Variants in DMD observed in about 807,000 individuals in gnomAD.
DMD encodes mutant dystrophin.
Under a neutral mutation model 330.1 loss-of-function variants are expected in DMD, and 63 were observed. The ratio of observed to expected loss-of-function variants is 0.19; its 90% confidence interval spans 0.16 to 0.24. The LOEUF (loss-of-function observed/expected upper bound fraction) is 0.24. Ranked by LOEUF, DMD falls within the 10% of genes least tolerant of loss-of-function variation. The pLI is 1.00. For synonymous variants in DMD, 1,223 were observed against 959.8 expected (o/e 1.27, Z -5.07); for missense variants, 3,344 against 2,684.1 (o/e 1.25, Z -5.43).
intron 55 of DMD, among the ~76,000 whole-genome samples, chrX:31,561,569 T>A (rs2075201015): frequency 8.9e-6 from 1 of 111,965 alleles, no homozygotes; most frequent in African/African-American, 3.2e-5. Context: ...ATAACACTTG[T>A]CCTTAAAATG....
rs758254977 is a variant in DMD, at chrX:32,346,638, T to C, written c.5449-558A>G. On this transcript the variant is annotated intron_variant, in intron 38 of 78. Transcript: ENST00000357033. The stretch of plus-strand genomic sequence containing the variant: ...AATAGGAGAAATATCAGGATATTAA[T>C]AAAAATCATGTGCTAAGTTACCATC... Among the ~76,000 whole-genome samples, 13 of 111,647 alleles carry C rather than the reference T, an allele frequency of 1.2e-4. 1 individual carries two copies. The South Asian group carries it at 2.2e-3, about 19-fold the overall frequency.
chrX:32,809,805 G>A (rs1238026719), intron 6 of DMD, among the ~76,000 whole-genome samples, 194 bp from the exon 7 acceptor site: 5 of 108,013 alleles, frequency 4.6e-5, no homozygotes, highest in Non-Finnish European at 7.7e-5. Flanking sequence ...GATCTCATTG[G>A]GTGTGGTGGC....
At chrX:33,323,239 G>A (rs2054040819) in intron 1 of DMD, among the ~76,000 whole-genome samples, 1 of 111,802 alleles carries the variant, frequency 8.9e-6, no homozygotes, top group Non-Finnish European at 1.9e-5. Flanking sequence ...ATACTGGTTG[G>A]ATGTATTGTT....
At chrX:31,180,877 G>A (rs942302695) in intron 68 of DMD, among the ~76,000 whole-genome samples, 12 of 112,059 alleles carry the variant, frequency 1.1e-4, no homozygotes, top group African/African-American at 3.9e-4. Context: ...TGGGACAAAA[G>A]TTTTCTGAAG....
intron 7 of DMD, among the ~76,000 whole-genome samples, chrX:32,794,358 G>A (rs2748303): frequency 1.3e-4 from 14 of 110,803 alleles, no homozygotes; most frequent in Non-Finnish European, 2.1e-4. Flanking sequence ...GGGAGGCAGA[G>A]GTGGGTGGAT....
chrX:31,436,367 T>C (rs1443849536), intron 60 of DMD, among the ~76,000 whole-genome samples: 1 of 111,599 alleles, frequency 9.0e-6, no homozygotes, highest in Non-Finnish European at 1.9e-5. Flanking sequence ...TTTCTTTGGC[T>C]CCTGATGGCT....
chrX:32,364,893 T>C lies in DMD; in HGVS notation c.5025+127A>G. On this transcript the variant is annotated intron_variant, in intron 35 of 78. Coordinates refer to ENST00000357033, the MANE Select transcript of DMD (RefSeq NM_004006.3). Reference sequence around the variant, plus strand: ...AAATATATTAAAATATTGTTATAGATATTGAATTAAGAGCCAGCATATACG... The same window carrying C: ...AAATATATTAAAATATTGTTATAGACATTGAATTAAGAGCCAGCATATACG... 3 of 779,436 alleles carry C rather than the reference T, an allele frequency of 3.8e-6. No individual in the cohort carries two copies. The East Asian group carries it at 1.0e-4, about 27-fold the overall frequency. The allele number at this position is 779,436 out of a possible 1,213,427, so 64.2% of individuals were successfully genotyped here.
Position 31,209,719 on chromosome X carries a change from T to C in DMD, c.9362-20A>G. ...GATCCACTGCAAAAAACAAATAAAA[T>C]CACAAATGACTCAAAGAGTAAAACC... is the stretch of plus-strand genomic sequence containing the variant. On this transcript the variant is annotated intron_variant, in intron 64 of 78. Coordinates refer to ENST00000357033, the MANE Select transcript of DMD (RefSeq NM_004006.3). 8.4e-7 allele frequency: 1 copy of C among 1,196,542 alleles called. No individual in the cohort carries two copies.
intron 11 of DMD, among the ~76,000 whole-genome samples, chrX:32,626,396 G>T (rs1174210568): frequency 1.0e-5 from 1 of 97,159 alleles, no homozygotes; most frequent in Admixed American, 1.0e-4. Context: ...TGAACCCGGG[G>T]GGACAGAGGT....
chrX:33,112,023 T>C (rs2095343344), intron 1 of DMD, among the ~76,000 whole-genome samples: 1 of 110,810 alleles, frequency 9.0e-6, no homozygotes, highest in African/African-American at 3.3e-5. Context: ...ATAATATATA[T>C]TACATATATT....
rs2080414530 is a variant in DMD at position 32,844,110 on chromosome X, A to G, written c.264+673T>C. On this transcript the variant is annotated intron_variant, in intron 4 of 78. Transcript: ENST00000357033. The stretch of plus-strand genomic sequence containing the variant: ...CGTTTGTTGCACAAAACACTGCCGT[A>G]AGAAACAGAGTTCACCGGGCACGGT... 2.7e-5 allele frequency among the ~76,000 whole-genome samples: 3 copies of G among 112,024 alleles called. No homozygotes were observed. The South Asian group carries it at 1.1e-3, about 42-fold the overall frequency.
chrX:32,794,883 G>T (rs962411380), intron 7 of DMD, among the ~76,000 whole-genome samples: 1 of 111,800 alleles, frequency 8.9e-6, no homozygotes, highest in African/African-American at 3.3e-5. Context: ...TAATGAACTG[G>T]CTGAGAAAGA....
At chrX:32,583,964 G>A (rs902860891) in intron 13 of DMD, among the ~76,000 whole-genome samples, 5 of 111,390 alleles carry the variant, frequency 4.5e-5, no homozygotes, top group Non-Finnish European at 7.5e-5. Context: ...AGTGAACTAT[G>A]TTAAATTTAA....
At chrX:32,375,527 G>A (rs1278358581) in intron 34 of DMD, among the ~76,000 whole-genome samples, 1 of 111,789 alleles carries the variant, frequency 8.9e-6, no homozygotes, top group Non-Finnish European at 1.9e-5. Flanking sequence ...GTTCTTATAT[G>A]TGATTTTAGA....
chrX:31,738,552 A>T (rs995001035), intron 51 of DMD, among the ~76,000 whole-genome samples: 4 of 112,325 alleles, frequency 3.6e-5, no homozygotes, highest in Non-Finnish European at 7.5e-5. Flanking sequence ...GCTACCATAT[A>T]ATATAGCATT....
intron 52 of DMD, among the ~76,000 whole-genome samples, chrX:31,722,024 C>T (rs935968793): frequency 1.8e-5 from 2 of 110,329 alleles, no homozygotes; most frequent in African/African-American, 6.6e-5. Context: ...TCCTGTTTTG[C>T]TAAAGGATGT....
chrX:31,520,806 A>T (rs2072677598), intron 55 of DMD, among the ~76,000 whole-genome samples: 1 of 110,134 alleles, frequency 9.1e-6, no homozygotes, highest in African/African-American at 3.3e-5. Flanking sequence ...CAGCCTCCCA[A>T]GTAGCTGGGA....
At chrX:32,818,630 A>T (rs895280512) in intron 5 of DMD, among the ~76,000 whole-genome samples, 1 of 112,000 alleles carries the variant, frequency 8.9e-6, no homozygotes, top group Non-Finnish European at 1.9e-5. Context: ...AGTGATTTTT[A>T]AAAATGACTA....
intron 55 of DMD, among the ~76,000 whole-genome samples, chrX:31,515,401 A>G (rs1196988042): frequency 2.7e-5 from 3 of 111,883 alleles, no homozygotes; most frequent in Non-Finnish European, 5.6e-5. Context: ...AAGAATAACA[A>G]TAAGTGACCA....
Sources: gnomAD v4.1 joint callset for allele counts (sites outside exome capture counted in the v4.1 genomes callset) on GRCh38, gnomAD v4.1.1 for gene constraint, MANE v1.5 for transcripts, NCBI Gene and HGNC (gene_info 2026-07-23, HGNC 2026-07-21) for gene names.